ADD3: variants seen among roughly 807,000 people sequenced by gnomAD.
ADD3 encodes gamma-adducin.
A neutral mutation model predicts 80.2 loss-of-function variants in ADD3; 25 were observed. That is an observed-to-expected ratio of 0.31 (90% CI 0.23 to 0.44). ADD3 has a LOEUF of 0.44. Among genes scored for constraint, ADD3 ranks in the 20% least tolerant of loss-of-function variants. The pLI, the probability that ADD3 is intolerant of heterozygous loss-of-function variation, is 1.00. For synonymous variants in ADD3, 284 were observed against 289.6 expected, an observed-to-expected ratio of 0.98 and a Z score of 0.20; for missense variants, 829 against 847.5, an observed-to-expected ratio of 0.98 and a Z score of 0.27.
chr10:110,086,549 T>G (rs1590057017), intron 1 of ADD3, among the ~76,000 whole-genome samples: 1 of 152,080 alleles, frequency 6.6e-6, no homozygotes, highest in Non-Finnish European at 1.5e-5. Context: ...TTTCTAATGG[T>G]TTAGTACCAT....
chr10:110,028,965 C>T (rs181422644), intron 1 of ADD3, among the ~76,000 whole-genome samples: 5 of 151,890 alleles, frequency 3.3e-5, no homozygotes, highest in East Asian at 3.9e-4. Context: ...CCGCAACCTC[C>T]GCCTCCCGGG....
intron 1 of ADD3, among the ~76,000 whole-genome samples, chr10:110,019,239 A>C (rs947451787): frequency 1.6e-4 from 24 of 151,894 alleles, no homozygotes; most frequent in African/African-American, 5.8e-4. Flanking sequence ...CAGATTTTAG[A>C]TTTGTTCCAA....
intron 1 of ADD3, among the ~76,000 whole-genome samples, chr10:110,059,539 G>T (rs1858619112): frequency 6.6e-6 from 1 of 151,626 alleles, no homozygotes; most frequent in Non-Finnish European, 1.5e-5. Flanking sequence ...AAGGCAGGCA[G>T]ATCACGAGGT....
At chr10:110,002,087 G>A (rs569521342), upstream of ADD3, among the ~76,000 whole-genome samples, 21 of 152,158 alleles carry the variant, frequency 1.4e-4, no homozygotes, top group South Asian at 4.4e-3. Flanking sequence ...GAGGCCAGGA[G>A]TTCAAGACCA....
chr10:110,073,010 C>T (rs1240265752), intron 1 of ADD3, among the ~76,000 whole-genome samples: 1 of 152,098 alleles, frequency 6.6e-6, no homozygotes, highest in African/African-American at 2.4e-5. Context: ...CAACCTAGAA[C>T]CTCCATAGTG....
chr10:110,031,611 A>G (rs1235120691), intron 1 of ADD3, among the ~76,000 whole-genome samples: 1 of 151,816 alleles, frequency 6.6e-6, no homozygotes, highest in Non-Finnish European at 1.5e-5. Flanking sequence ...TTCTTGGCAA[A>G]TGGTGTTGAC....
rs1214905648 is a variant in ADD3 at position 110,116,350 on chromosome 10, C to T, written c.426C>T (p.Ala142=). The change falls in exon 4 of 15, where the codon GCC becomes GCT. Residue 142 remains alanine, a synonymous_variant. Transcript: ENST00000356080. ...KGEKLTRCKL[A]SLYRLVDLFG... is the part of the protein sequence containing the mutation. ...AAAAACTTACTCGCTGTAAACTTGC[C>T]AGCCTGTACAGACTTGTAGACTTGT... The T allele has an allele frequency of 1.9e-6, 3 of 1,614,136 alleles. No homozygotes were observed. Among genetic ancestry groups the T allele is most frequent in the Non-Finnish European group, 2.5e-6 (3 of 1,180,004 alleles).
intron 1 of ADD3, among the ~76,000 whole-genome samples, chr10:110,034,650 A>G (rs1589808595): frequency 6.6e-6 from 1 of 152,162 alleles, no homozygotes; most frequent in African/African-American, 2.4e-5. Flanking sequence ...TCTAAAGATA[A>G]GCAAATTACT....
Position 110,130,423 on chromosome 10 carries a change from C to T in ADD3, c.1669C>T (p.Leu557Phe), listed in dbSNP as rs1295440646. Reference sequence around the variant, plus strand: ...AGCTCCTCCTAACCCATTTAGTCATCTCACAGAAGGAGAACTTGAAGAGTA... The same window carrying T: ...AGCTCCTCCTAACCCATTTAGTCATTTCACAGAAGGAGAACTTGAAGAGTA... ...PPAPPNPFSH[L>F]TEGELEEYKR... Residue 557 changes from leucine to phenylalanine, a missense_variant, in exon 13 of 15, where the codon CTC becomes TTC. Transcript: ENST00000356080. 1 of 1,614,052 alleles carries T rather than the reference C, an allele frequency of 6.2e-7. No homozygotes were observed. Among genetic ancestry groups the T allele is most frequent in the East Asian group, 2.2e-5 (1 of 44,884 alleles).
At chr10:110,054,439 CTTTT>C (rs36097209) in intron 1 of ADD3, among the ~76,000 whole-genome samples, 8 of 80,852 alleles carry the variant, frequency 9.9e-5, no homozygotes, top group Admixed American at 1.4e-4. Context: ...CCAGTTTTCT[CTTTT>C]TTTTTTTTTT....
chr10:110,077,309 CTCTT>C (rs1845483113), intron 1 of ADD3, among the ~76,000 whole-genome samples: 1 of 148,030 alleles, frequency 6.8e-6, no homozygotes, highest in African/African-American at 2.5e-5. Context: ...TTTTTTCTTT[CTCTT>C]TCTTAAACAG....
At chr10:110,095,707 C>A (rs575440103) in intron 1 of ADD3, among the ~76,000 whole-genome samples, 1 of 152,202 alleles carries the variant, frequency 6.6e-6, no homozygotes, top group South Asian at 2.1e-4. Context: ...CGAGAAATAA[C>A]CAGTTGTCTT....
chr10:110,101,648 A>G (rs1848822930), intron 2 of ADD3, among the ~76,000 whole-genome samples: 1 of 152,058 alleles, frequency 6.6e-6, no homozygotes, highest in Non-Finnish European at 1.5e-5. Flanking sequence ...AAAAAAAAAA[A>G]AAAAAATTCA....
chr10:110,091,068 G>A (rs1847443431), intron 1 of ADD3, among the ~76,000 whole-genome samples: 2 of 152,172 alleles, frequency 1.3e-5, no homozygotes, highest in Admixed American at 6.5e-5. Context: ...AGAGAGGTAG[G>A]TAGGTTTCCA....
At position 110,125,893 on chromosome 10, in the gene ADD3, A is replaced by G. The variant is rs777580626; in HGVS notation, c.1469A>G (p.Gln490Arg). 5 of 1,610,568 alleles carry G rather than the reference A, an allele frequency of 3.1e-6. No homozygotes were observed. Among genetic ancestry groups the G allele is most frequent in the Non-Finnish European group, 4.2e-6 (5 of 1,177,458 alleles). Residue 490 changes from glutamine to arginine, a missense_variant, in exon 11 of 15, where the codon CAG becomes CGG. Coordinates refer to ENST00000356080, the MANE Select transcript of ADD3 (RefSeq NM_016824.5). The stretch of plus-strand genomic sequence containing the variant: ...CCTATCAAAATTGAAGATCCAAATC[A>G]GTTTGTTCCTTTAAACACAAACCCG... ...GTPIKIEDPN[Q>R]FVPLNTNPNE...
At chr10:110,078,656 A>C (rs1008720918) in intron 1 of ADD3, among the ~76,000 whole-genome samples, 10 of 152,250 alleles carry the variant, frequency 6.6e-5, no homozygotes, top group Middle Eastern at 3.4e-3. Flanking sequence ...GTGGCTTTCA[A>C]ACTTTTTTCA....
intron 1 of ADD3, among the ~76,000 whole-genome samples, chr10:110,017,243 AATG>A (rs1455326507): frequency 6.6e-6 from 1 of 152,178 alleles, no homozygotes; most frequent in Non-Finnish European, 1.5e-5. Flanking sequence ...CCAAGATTAG[AATG>A]ATATTTCTGC....
intron 1 of ADD3, among the ~76,000 whole-genome samples, chr10:109,998,249 A>G (rs1851418089): frequency 1.3e-5 from 2 of 152,178 alleles, no homozygotes; most frequent in Non-Finnish European, 2.9e-5. Context: ...GTCTCAGGTA[A>G]TGGTACTACC....
upstream of ADD3, among the ~76,000 whole-genome samples, chr10:110,007,754 C>A (rs1008510753): frequency 6.6e-6 from 1 of 151,644 alleles, no homozygotes; most frequent in South Asian, 2.1e-4. Context: ...GACCAGGACT[C>A]CCGAGGGGCG....
Sources: allele counts gnomAD v4.1 joint callset (sites outside exome capture counted in the v4.1 genomes callset), GRCh38; gene constraint gnomAD v4.1.1; transcripts MANE v1.5; gene names NCBI Gene and HGNC (gene_info 2026-07-23, HGNC 2026-07-21).